The following LRRTM4 variants were observed in gnomAD, a reference collection of about 807,000 sequenced individuals.
LRRTM4 encodes leucine-rich repeat transmembrane neuronal protein 4.
LRRTM4 carries 25 observed loss-of-function variants against 47.6 expected under a neutral mutation model. That is an observed-to-expected ratio of 0.53 (90% CI 0.38 to 0.73). The LOEUF is 0.73. Among genes scored for constraint, LRRTM4 ranks in the 30% least tolerant of loss-of-function variants. LRRTM4 has a pLI of 0.00. For missense variants in LRRTM4, 638 were observed against 713.4 expected (o/e 0.89, Z 1.20); for synonymous variants, 311 against 269.5 (o/e 1.15, Z -1.51).
intron 3 of LRRTM4, among the ~76,000 whole-genome samples, chr2:77,244,732 G>C (rs1002075972): frequency 2.0e-5 from 3 of 152,134 alleles, no homozygotes; most frequent in African/African-American, 7.2e-5. Flanking sequence ...ATTTCCTCTT[G>C]TTCTCATTCT....
At chr2:77,250,689 A>C (rs973243154) in intron 3 of LRRTM4, among the ~76,000 whole-genome samples, 4 of 152,216 alleles carry the variant, frequency 2.6e-5, no homozygotes, top group Admixed American at 6.5e-5. Flanking sequence ...AGGCTTAAGC[A>C]CATGGGTTTG....
rs1177015881 is a variant in LRRTM4 at position 76,802,763 on chromosome 2, GACACAT to G, written c.1552-53853_1552-53848del. On this transcript the variant is annotated intron_variant, in intron 3 of 3. Transcript: ENST00000409884. ...CAGCACAATACTGGTATTAAAAACA[GACACAT>G]AGGATAGAGAACTCAGAAATACATC... is the stretch of plus-strand genomic sequence containing the variant. Among the ~76,000 whole-genome samples, 5 of 152,136 alleles carry G rather than the reference GACACAT, an allele frequency of 3.3e-5. No homozygotes were observed. The South Asian group carries it at 1.0e-3, about 32-fold the overall frequency.
In LRRTM4 at chr2:76,766,882, C is replaced by T. The variant is rs1006796841; in HGVS notation, c.1552-17966G>A. Among the ~76,000 whole-genome samples the T allele has an allele frequency of 2.0e-5, 3 of 152,250 alleles. 1 individual carries two copies. Among genetic ancestry groups the T allele is most frequent in the Middle Eastern group, 6.8e-3 (2 of 294 alleles). On this transcript the variant is annotated intron_variant, in intron 3 of 3. Transcript: ENST00000409884. ...CCTGTTACCCCCAAGGAAAAAAGAA[C>T]TATCTGATCTAAAATGTCAAAAGTG...
chr2:76,880,922 G>A (rs776057342), intron 3 of LRRTM4, among the ~76,000 whole-genome samples: 8 of 152,082 alleles, frequency 5.3e-5, no homozygotes, highest in South Asian at 4.1e-4. Flanking sequence ...AAAAGTAGTC[G>A]AAGATACAAG....
intron 3 of LRRTM4, among the ~76,000 whole-genome samples, chr2:77,083,737 C>T (rs559907217): frequency 6.4e-5 from 9 of 141,142 alleles, no homozygotes; most frequent in Non-Finnish European, 1.4e-4. Context: ...AATGATTCTT[C>T]CTTTCTTTCA....
chr2:77,156,995 A>C (rs1441697495), intron 3 of LRRTM4, among the ~76,000 whole-genome samples: 2 of 151,886 alleles, frequency 1.3e-5, no homozygotes, highest in Non-Finnish European at 2.9e-5. Flanking sequence ...ACTAACCTTT[A>C]ATATTTGTTA....
intron 3 of LRRTM4, among the ~76,000 whole-genome samples, chr2:77,315,605 G>T (rs1255994557): frequency 6.6e-6 from 1 of 152,048 alleles, no homozygotes; most frequent in Admixed American, 6.6e-5. Context: ...ACTTTACTCA[G>T]GTTTCTTCCT....
At chr2:76,831,825 T>C (rs946893509) in intron 3 of LRRTM4, among the ~76,000 whole-genome samples, 4 of 152,098 alleles carry the variant, frequency 2.6e-5, no homozygotes, top group African/African-American at 4.8e-5. Context: ...AAAAAAATTG[T>C]ATGTTTATAT....
rs1158591485 is a variant in LRRTM4 at position 76,984,546 on chromosome 2, A to T, written c.1552-235630T>A. Among the ~76,000 whole-genome samples the T allele has an allele frequency of 2.0e-5, 3 of 152,092 alleles. No homozygotes were observed. The East Asian group carries it at 5.9e-4, about 30-fold the overall frequency. ...AAAGCCTGTTGGATGACACATACTCAGCTAGCAGGCTCTCCGCAGCATCCT... is the reference window on the plus strand; with the variant it reads ...AAAGCCTGTTGGATGACACATACTCTGCTAGCAGGCTCTCCGCAGCATCCT... On this transcript the variant is annotated intron_variant, in intron 3 of 3. Transcript: ENST00000409884.
At chr2:76,859,367 G>T (rs1050070994) in intron 3 of LRRTM4, among the ~76,000 whole-genome samples, 1 of 152,064 alleles carries the variant, frequency 6.6e-6, no homozygotes, top group African/African-American at 2.4e-5. Flanking sequence ...TACAGTGTAT[G>T]ATACCTGTTA....
At chr2:76,943,990 G>C (rs774898605) in intron 3 of LRRTM4, among the ~76,000 whole-genome samples, 1 of 151,988 alleles carries the variant, frequency 6.6e-6, no homozygotes, top group Non-Finnish European at 1.5e-5. Context: ...TGATCTCCTA[G>C]ATTTCAGTCT....
chr2:77,393,937 T>C (rs1178869860), intron 3 of LRRTM4, among the ~76,000 whole-genome samples: 3 of 151,974 alleles, frequency 2.0e-5, no homozygotes, highest in Non-Finnish European at 4.4e-5. Context: ...AAATAATTTG[T>C]TAGTATTAAC....
At chr2:77,386,479 T>C (rs1419186399) in intron 3 of LRRTM4, among the ~76,000 whole-genome samples, 2 of 152,170 alleles carry the variant, frequency 1.3e-5, no homozygotes, top group South Asian at 2.1e-4. Flanking sequence ...TAGTACTCCA[T>C]GGTGTGTATG....
chr2:76,897,934 CA>C (rs540435355), intron 3 of LRRTM4, among the ~76,000 whole-genome samples: 2 of 152,130 alleles, frequency 1.3e-5, no homozygotes, highest in South Asian at 4.1e-4. Context: ...AAAGGGAAGA[CA>C]ATCTAAATAG....
At chr2:77,425,617 T>C (rs1675074066) in intron 3 of LRRTM4, among the ~76,000 whole-genome samples, 1 of 152,210 alleles carries the variant, frequency 6.6e-6, no homozygotes, top group South Asian at 2.1e-4. Flanking sequence ...TATGTACCAA[T>C]TGACACCTAT....
chr2:77,306,466 C>T (rs1325409203), intron 3 of LRRTM4, among the ~76,000 whole-genome samples: 3 of 152,180 alleles, frequency 2.0e-5, no homozygotes, highest in African/African-American at 7.2e-5. Flanking sequence ...CTAAGTCACA[C>T]CTGAGACTTT....
Position 77,208,889 on chromosome 2 carries a change from C to T in LRRTM4, c.1551+309429G>A, listed in dbSNP as rs1426075624. On this transcript the variant is annotated intron_variant, in intron 3 of 3. Transcript: ENST00000409884. ...AATTAACCCAGTTGGCTATTTGTAC[C>T]ACACATGTAAATAAAATAGAATTGT... is the stretch of plus-strand genomic sequence containing the variant. Among the ~76,000 whole-genome samples, 6 of 151,996 alleles carry T rather than the reference C, an allele frequency of 3.9e-5. 1 individual carries two copies. Among genetic ancestry groups the T allele is most frequent in the Admixed American group, 2.0e-4 (3 of 15,256 alleles).
intron 3 of LRRTM4, among the ~76,000 whole-genome samples, chr2:77,169,839 CT>C (rs58204734): frequency 0.053 from 8,114 of 152,140 alleles, 323 homozygotes; most frequent in East Asian, 0.22. Flanking sequence ...ATTTCCCATA[CT>C]TTTTATGTTT....
chr2:77,519,919 C>T lies in LRRTM4; in HGVS notation c.5-55G>A. The T allele has an allele frequency of 6.8e-7, 1 of 1,481,054 alleles. No individual in the cohort carries two copies. Among genetic ancestry groups the T allele is most frequent in the Non-Finnish European group, 9.0e-7 (1 of 1,115,170 alleles). The allele number at this position is 1,481,054 out of a possible 1,614,324, so 91.7% of individuals were successfully genotyped here. ...ATTGTGAAGCTATTAAAATAAATCA[C>T]CGTCGGTTTACCAACAACAGGGGCA... On this transcript the variant is annotated intron_variant, in intron 2 of 3. Transcript: ENST00000409884. The surrounding 1 kb of genome is among the most constrained non-coding windows in gnomAD (Gnocchi z 4.6).
Sources: gnomAD v4.1 joint callset for allele counts (sites outside exome capture counted in the v4.1 genomes callset) on GRCh38, gnomAD v4.1.1 for gene constraint, Gnocchi (gnomAD v3.1) non-coding constraint, MANE v1.5 for transcripts, NCBI Gene and HGNC (gene_info 2026-07-23, HGNC 2026-07-21) for gene names.